LUZP1: variants seen among roughly 807,000 people sequenced by gnomAD.
LUZP1 encodes leucine zipper protein 1.
LUZP1 carries 25 observed loss-of-function variants against 71.3 expected under a neutral mutation model. That is an observed-to-expected ratio of 0.35 (90% CI 0.26 to 0.49). The LOEUF (loss-of-function observed/expected upper bound fraction) is 0.49, where lower values mean the gene tolerates loss of function less well. Among genes scored for constraint, LUZP1 ranks in the 20% least tolerant of loss-of-function variants. The probability of loss-of-function intolerance (pLI) is 0.99; values close to 1 mark genes in which losing one functional copy is unlikely to be tolerated. For synonymous variants in LUZP1, 481 were observed against 506.4 expected, an observed-to-expected ratio of 0.95 and a Z score of 0.67; for missense variants, 1,142 against 1,300.8, an observed-to-expected ratio of 0.88 and a Z score of 1.88.
intron 3 of LUZP1, among the ~76,000 whole-genome samples, chr1:23,105,657 C>A (rs970711573): frequency 3.3e-5 from 5 of 152,192 alleles, no homozygotes; most frequent in African/African-American, 1.2e-4. Context: ...TAGTTTCAAT[C>A]CCTTGACTAA....
intron 3 of LUZP1, among the ~76,000 whole-genome samples, chr1:23,100,257 C>T (rs1348776912): frequency 6.6e-6 from 1 of 152,152 alleles, no homozygotes; most frequent in East Asian, 1.9e-4. Context: ...AATAGCTTGT[C>T]GGCCCTTTGG....
intron 2 of LUZP1, among the ~76,000 whole-genome samples, chr1:23,138,026 AAT>A (rs1188365505): frequency 2.0e-5 from 3 of 152,356 alleles, no homozygotes; most frequent in South Asian, 4.1e-4. Context: ...GTTGGAGTGC[AAT>A]GGCACGATCT....
chr1:23,131,460 C>G (rs1644214443), intron 2 of LUZP1, among the ~76,000 whole-genome samples: 1 of 152,026 alleles, frequency 6.6e-6, no homozygotes, highest in African/African-American at 2.4e-5. Flanking sequence ...GATATGTTTA[C>G]TACTTGTCTC....
intron 2 of LUZP1, chr1:23,163,860 T>C (rs1644489027): frequency 2.0e-5 from 3 of 152,250 alleles, no homozygotes; most frequent in African/African-American, 7.2e-5. Context: ...TCACTTGCTC[T>C]GGCAGTTAAC....
At position 23,141,450 on chromosome 1, in the gene LUZP1, G is replaced by A. The variant is rs139015059; in HGVS notation, c.-226+27316C>T. ...ATGGGTATCACTGGTCAGAGCTGAT[G>A]AGGGGAGCAAGCCACATCAGTGGCC... On this transcript the variant is annotated intron_variant, in intron 2 of 4. Coordinates refer to ENST00000302291, the Ensembl canonical transcript of LUZP1. Among the ~76,000 whole-genome samples the A allele has an allele frequency of 3.5e-3, 532 of 152,314 alleles. 2 individuals are homozygous for A. The highest frequency in any genetic ancestry group is 5.5e-3 in the Non-Finnish European group (374 of 68,038).
chr1:23,111,144 G>A (rs1326499487), intron 2 of LUZP1, among the ~76,000 whole-genome samples: 1 of 149,896 alleles, frequency 6.7e-6, no homozygotes, highest in African/African-American at 2.5e-5. Context: ...AGTTTGTGGT[G>A]AGCCCAGATC....
intron 2 of LUZP1, among the ~76,000 whole-genome samples, chr1:23,122,594 T>C (rs768220007): frequency 6.6e-6 from 1 of 152,264 alleles, no homozygotes; most frequent in Non-Finnish European, 1.5e-5. Flanking sequence ...GACACTTTTC[T>C]GGCACAGGCT....
intron 2 of LUZP1, among the ~76,000 whole-genome samples, chr1:23,135,296 G>A (rs955632734): frequency 1.3e-5 from 2 of 152,178 alleles, no homozygotes; most frequent in Non-Finnish European, 2.9e-5. Flanking sequence ...GGTTTTGCCA[G>A]GAAGCAAATT....
At chr1:23,130,525 C>CTTT (rs748312616) in intron 2 of LUZP1, among the ~76,000 whole-genome samples, 16,262 of 116,952 alleles carry the variant, frequency 0.14, 1,385 homozygotes, top group South Asian at 0.31. Flanking sequence ...TAACAGTTAT[C>CTTT]TTTTTTTTTT....
At chr1:23,138,159 A>C (rs1394611861) in intron 2 of LUZP1, among the ~76,000 whole-genome samples, 2 of 152,060 alleles carry the variant, frequency 1.3e-5, no homozygotes, top group African/African-American at 4.8e-5. Context: ...ATTTTAGTAG[A>C]GATGGGGTTT....
At chr1:23,170,565 C>T (rs1182324430) in intron 1 of LUZP1, among the ~76,000 whole-genome samples, 1 of 147,110 alleles carries the variant, frequency 6.8e-6, no homozygotes, top group Non-Finnish European at 1.5e-5. Context: ...CTTCCAGGTT[C>T]AAGAGATTCT....
At chr1:23,113,732 T>C (rs1644054309) in intron 2 of LUZP1, among the ~76,000 whole-genome samples, 1 of 151,636 alleles carries the variant, frequency 6.6e-6, no homozygotes, top group African/African-American at 2.4e-5. Context: ...ATACAAAAAT[T>C]AGCCGGGTGT....
intron 2 of LUZP1, among the ~76,000 whole-genome samples, chr1:23,128,914 G>A (rs1008222208): frequency 1.3e-5 from 2 of 152,242 alleles, no homozygotes; most frequent in Non-Finnish European, 2.9e-5. Flanking sequence ...TATAAAAGCT[G>A]TGCTTCTTAG....
intron 3 of LUZP1, among the ~76,000 whole-genome samples, chr1:23,101,550 A>G (rs1643931758): frequency 6.6e-6 from 1 of 152,252 alleles, no homozygotes; most frequent in Admixed American, 6.5e-5. Flanking sequence ...AACACTATGC[A>G]ATAAAGTTAG....
At chr1:23,163,453 G>A (rs1307909945) in intron 2 of LUZP1, among the ~76,000 whole-genome samples, 1 of 151,350 alleles carries the variant, frequency 6.6e-6, no homozygotes, top group Non-Finnish European at 1.5e-5. Context: ...GCTAATCGGA[G>A]GCTGAGGAAG....
rs554799744 is a variant in LUZP1, at chr1:23,103,982, A to C, written c.-120+5040T>G. ...AACAATGCTGTATTCGGGGAATTTA[A>C]TTCAGCATGGCTGACACCAGAGACA... On this transcript the variant is annotated intron_variant, in intron 3 of 4. Coordinates refer to ENST00000302291, the Ensembl canonical transcript of LUZP1. 5.3e-5 allele frequency among the ~76,000 whole-genome samples: 8 copies of C among 150,686 alleles called. No homozygotes were observed. In the South Asian group the frequency reaches 1.7e-3, roughly 32 times the overall value.
chr1:23,101,192 CT>C, intron 3 of LUZP1, among the ~76,000 whole-genome samples: 1 of 152,338 alleles, frequency 6.6e-6, no homozygotes, highest in East Asian at 1.9e-4. Context: ...AGATCATTTA[CT>C]TTACATGTTC....
intron 2 of LUZP1, among the ~76,000 whole-genome samples, chr1:23,135,287 G>C (rs1371259558): frequency 1.3e-5 from 2 of 152,162 alleles, no homozygotes; most frequent in African/African-American, 4.8e-5. Flanking sequence ...TTCAGGTCAG[G>C]TTTTGCCAGG....
chr1:23,166,426 G>A (rs962055372), intron 2 of LUZP1, among the ~76,000 whole-genome samples: 9 of 151,840 alleles, frequency 5.9e-5, no homozygotes, highest in Admixed American at 2.6e-4. Flanking sequence ...AGGCCGAGGC[G>A]GGCAGATCAC....
Sources: gnomAD v4.1 joint callset for allele counts (sites outside exome capture counted in the v4.1 genomes callset) on GRCh38, gnomAD v4.1.1 for gene constraint, MANE v1.5 for transcripts, NCBI Gene and HGNC (gene_info 2026-07-23, HGNC 2026-07-21) for gene names.